Variants in GDAP1 observed in about 807,000 individuals in gnomAD.
GDAP1 encodes the protein ganglioside induced differentiation associated protein 1.
Under a neutral mutation model 40.1 loss-of-function variants are expected in GDAP1, and 34 were observed. The observed-to-expected ratio is 0.85, with a 90% CI of 0.64 to 1.13. GDAP1 has a LOEUF of 1.13. Ranked by LOEUF, GDAP1 falls within the 50% of genes most tolerant of loss-of-function variation. The pLI is 0.00. For synonymous variants in GDAP1, 170 were observed against 157.4 expected (o/e 1.08, Z -0.60); for missense variants, 374 against 433.7 (o/e 0.86, Z 1.22).
chr8:74,445,515 G>C (rs533410284), intron 2 of GDAP1, among the ~76,000 whole-genome samples: 197 of 152,180 alleles, frequency 1.3e-3, no homozygotes, highest in Admixed American at 2.3e-3. Flanking sequence ...CAACATTCTA[G>C]TATTGTGATA....
downstream of GDAP1, chr8:74,367,057 G>T: frequency 4.7e-6 from 1 of 211,878 alleles, no homozygotes; most frequent in African/African-American, 2.5e-5. Flanking sequence ...AAATATGCAC[G>T]GTTAAAATGA....
chr8:74,374,625 G>T (rs987407493), intron 2 of GDAP1, among the ~76,000 whole-genome samples: 2 of 151,980 alleles, frequency 1.3e-5, no homozygotes, highest in South Asian at 4.1e-4. Context: ...AATACATAGA[G>T]AAATATAAAT....
At chr8:74,422,343 TTCTTTCTTC>T (rs755297329) in intron 2 of GDAP1, among the ~76,000 whole-genome samples, 1,115 of 52,578 alleles carry the variant, frequency 0.021, 20 homozygotes, top group African/African-American at 0.042. Flanking sequence ...CTTTCTTTCT[TTCTTTCTTC>T]CCTTCCTTCC....
intron 2 of GDAP1, among the ~76,000 whole-genome samples, chr8:74,470,073 C>T (rs1806528506): frequency 6.6e-6 from 1 of 152,108 alleles, no homozygotes; most frequent in South Asian, 2.1e-4. Context: ...CTTTTATCTT[C>T]ATTTCTTATA....
chr8:74,376,800 A>AT (rs1167148430), intron 2 of GDAP1: 2 of 152,198 alleles, frequency 1.3e-5, no homozygotes, highest in Non-Finnish European at 2.9e-5. Flanking sequence ...TTAAAAAAAA[A>AT]GGAAGACAAG....
intron 2 of GDAP1, among the ~76,000 whole-genome samples, chr8:74,481,907 G>A (rs1274091164): frequency 6.6e-6 from 1 of 152,136 alleles, no homozygotes; most frequent in Non-Finnish European, 1.5e-5. Flanking sequence ...ATTTTAAACA[G>A]GCTAGACAAA....
At chr8:74,473,321 T>C (rs7835984) in intron 2 of GDAP1, among the ~76,000 whole-genome samples, 8,795 of 152,274 alleles carry the variant, frequency 0.058, 391 homozygotes, top group African/African-American at 0.12. Flanking sequence ...TTGTCAATTT[T>C]TGCTTTTGTT....
At position 74,409,988 on chromosome 8, in the gene GDAP1, T is replaced by C. The variant is rs1179622477; in HGVS notation, c.165+58667T>C. On this transcript the variant is annotated intron_variant, in intron 2 of 2. Coordinates refer to the GDAP1 transcript ENST00000523640. ...ATACTCATTGTCTCAGTGATTGGCT[T>C]TCTGCACAGTGAGCAGCAGGACCTA... 4.7e-5 allele frequency among the ~76,000 whole-genome samples: 7 copies of C among 150,228 alleles called. No homozygotes were observed. The East Asian group carries it at 1.4e-3, about 29-fold the overall frequency.
chr8:74,437,599 C>T (rs1806108783), intron 2 of GDAP1, among the ~76,000 whole-genome samples: 1 of 151,950 alleles, frequency 6.6e-6, no homozygotes, highest in South Asian at 2.1e-4. Context: ...TTTATTAGTT[C>T]TGGTATGTTT....
intron 2 of GDAP1, among the ~76,000 whole-genome samples, chr8:74,440,754 A>G (rs1806153018): frequency 6.6e-6 from 1 of 152,146 alleles, no homozygotes; most frequent in South Asian, 2.1e-4. Context: ...AGAGTTCAAT[A>G]AAATTTTGAC....
chr8:74,432,129 G>C (rs563718177), intron 2 of GDAP1, among the ~76,000 whole-genome samples: 1 of 152,220 alleles, frequency 6.6e-6, no homozygotes, highest in African/African-American at 2.4e-5. Flanking sequence ...CATGAGCTAC[G>C]AGAATAAGTT....
In GDAP1 at chr8:74,363,835, CT is replaced by C. The variant is rs1809487600; in HGVS notation, c.695-149del. On this transcript the variant is annotated intron_variant, in intron 5 of 5. Transcript: ENST00000220822. ...TTTTTTTAAAGCATGAAATTATTCT[CT>C]GAGTGTGGCTGTCAAGAAAATAAAT... 11 of 683,852 alleles carry C rather than the reference CT, an allele frequency of 1.6e-5. No individual in the cohort carries two copies. In the South Asian group the frequency reaches 1.7e-4, roughly 11 times the overall value. The allele number at this position is 683,852 out of a possible 1,614,324, so 42.4% of individuals were successfully genotyped here.
At chr8:74,482,066 C>A (rs976320523) in intron 2 of GDAP1, among the ~76,000 whole-genome samples, 1 of 141,560 alleles carries the variant, frequency 7.1e-6, no homozygotes, top group Non-Finnish European at 1.5e-5. Flanking sequence ...GGGGGAAGGA[C>A]TTTCTGTTAG....
At chr8:74,377,066 G>A (rs1809866876) in intron 2 of GDAP1, among the ~76,000 whole-genome samples, 1 of 152,110 alleles carries the variant, frequency 6.6e-6, no homozygotes, top group African/African-American at 2.4e-5. Context: ...TTTGATATCT[G>A]TCATGGACCT....
At chr8:74,394,131 G>A (rs188385333) in intron 2 of GDAP1, among the ~76,000 whole-genome samples, 112 of 152,312 alleles carry the variant, frequency 7.4e-4, no homozygotes, top group Non-Finnish European at 1.5e-3. Context: ...GTGGAAGGCA[G>A]GGAGGAGCAA....
chr8:74,358,782 A>G (rs1809220930), intron 2 of GDAP1, among the ~76,000 whole-genome samples: 1 of 152,186 alleles, frequency 6.6e-6, no homozygotes, highest in Non-Finnish European at 1.5e-5. Context: ...TATGAATAGA[A>G]TTCAGGAGAT....
chr8:74,415,343 A>G (rs1805764632), intron 2 of GDAP1, among the ~76,000 whole-genome samples: 2 of 150,306 alleles, frequency 1.3e-5, no homozygotes, highest in South Asian at 4.1e-4. Flanking sequence ...GAAGAAAAGC[A>G]TGAAACTGGC....
Position 74,362,896 on chromosome 8 carries a change from G to T in GDAP1, c.580-43G>T, listed in dbSNP as rs535407407. ...TTACCTAGATTTATTTTTTTTAAAG[G>T]TGCAAATAATATGTTTGGTTTCTTT... On this transcript the variant is annotated intron_variant, in intron 4 of 5. Coordinates refer to ENST00000220822, the MANE Select transcript of GDAP1 (RefSeq NM_018972.4). 5.1e-6 allele frequency: 4 copies of T among 787,396 alleles called. No homozygotes were observed. The East Asian group carries it at 9.0e-5, about 18-fold the overall frequency. 48.8% of individuals were successfully genotyped at this position (787,396 alleles called of 1,614,324 possible). A position where few individuals can be genotyped will look rare whatever the true frequency, so the allele number is the denominator to read the frequency against.
chr8:74,369,635 G>A (rs1185405093), downstream of GDAP1, among the ~76,000 whole-genome samples: 1 of 81,314 alleles, frequency 1.2e-5, no homozygotes, highest in Non-Finnish European at 2.6e-5. Context: ...GTGTGTGTGT[G>A]CATATATATA....
Sources: gnomAD v4.1 joint callset for allele counts (sites outside exome capture counted in the v4.1 genomes callset) on GRCh38, gnomAD v4.1.1 for gene constraint, MANE v1.5 for transcripts, NCBI Gene and HGNC (gene_info 2026-07-23, HGNC 2026-07-21) for gene names.